MAF: variants seen among roughly 807,000 people sequenced by gnomAD.
The protein encoded by MAF is transcription factor Maf.
Under a neutral mutation model 22.0 loss-of-function variants are expected in MAF, and 10 were observed. That is an observed-to-expected ratio of 0.45 (90% CI 0.28 to 0.77). The LOEUF (loss-of-function observed/expected upper bound fraction) is 0.77. Among genes scored for constraint, MAF ranks in the 30% least tolerant of loss-of-function variants. The probability of loss-of-function intolerance (pLI) is 0.12; values close to 1 mark genes in which losing one functional copy is unlikely to be tolerated. For synonymous variants in MAF, 337 were observed against 255.8 expected (o/e 1.32, Z -3.03); for missense variants, 544 against 548.4 (o/e 0.99, Z 0.08).
the MAF span, among the ~76,000 whole-genome samples, chr16:79,498,574 G>C: frequency 6.6e-6 from 1 of 152,118 alleles, no homozygotes; most frequent in Non-Finnish European, 1.5e-5. Flanking sequence ...CAAGTGTTTG[G>C]TTGTTTACAA....
chr16:79,341,954 C>A, the MAF span, among the ~76,000 whole-genome samples: 1 of 152,328 alleles, frequency 6.6e-6, no homozygotes, highest in Non-Finnish European at 1.5e-5. Context: ...GATCTCTCAA[C>A]CACTGCTACT....
chr16:79,416,153 G>A, the MAF span, among the ~76,000 whole-genome samples: 2 of 152,308 alleles, frequency 1.3e-5, no homozygotes, highest in Admixed American at 1.3e-4. Flanking sequence ...CAGGATGGAA[G>A]TGGGGCGATT....
chr16:79,578,245 T>C, the MAF span, among the ~76,000 whole-genome samples: 1 of 152,200 alleles, frequency 6.6e-6, no homozygotes, highest in Non-Finnish European at 1.5e-5. Flanking sequence ...ATTTACAGAA[T>C]ACATTGATTT....
the MAF span, among the ~76,000 whole-genome samples, chr16:79,521,080 A>G: frequency 6.6e-6 from 1 of 152,236 alleles, no homozygotes; most frequent in African/African-American, 2.4e-5. Context: ...GGAGAATTCA[A>G]TAAAATAATG....
the MAF span, among the ~76,000 whole-genome samples, chr16:79,323,717 C>T: frequency 1.3e-5 from 2 of 152,152 alleles, no homozygotes; most frequent in African/African-American, 4.8e-5. Flanking sequence ...GAGACTCACT[C>T]CCCTCACACC....
the MAF span, among the ~76,000 whole-genome samples, chr16:79,283,954 T>C: frequency 2.6e-5 from 3 of 115,254 alleles, no homozygotes; most frequent in Non-Finnish European, 5.1e-5. Context: ...ATCTACCCCC[T>C]GCACCTCCTC....
At chr16:79,315,949 CA>C in the MAF span, among the ~76,000 whole-genome samples, 1 of 152,232 alleles carries the variant, frequency 6.6e-6, no homozygotes, top group Admixed American at 6.5e-5. Flanking sequence ...TCAGGGACTA[CA>C]GTCCTCACAA....
the MAF span, among the ~76,000 whole-genome samples, chr16:79,240,763 G>T: frequency 3.3e-5 from 5 of 151,948 alleles, no homozygotes; most frequent in Admixed American, 3.3e-4. Flanking sequence ...ACACCTCCCA[G>T]TAGGGGCCAA....
chr16:79,291,949 C>T, the MAF span, among the ~76,000 whole-genome samples: 1 of 151,194 alleles, frequency 6.6e-6, no homozygotes, highest in Non-Finnish European at 1.5e-5. Context: ...GAGGGTACAA[C>T]AGTAGGGCCT....
the MAF span, among the ~76,000 whole-genome samples, chr16:79,480,902 T>C: frequency 6.6e-6 from 1 of 152,220 alleles, no homozygotes; most frequent in Non-Finnish European, 1.5e-5. Flanking sequence ...AAGCCAGAGA[T>C]GTGGATGAGG....
chr16:79,378,755 T>A, the MAF span, among the ~76,000 whole-genome samples: 642 of 152,306 alleles, frequency 4.2e-3, 4 homozygotes, highest in African/African-American at 0.015. Flanking sequence ...CAAGTGGGTA[T>A]ATGCTAATAA....
At chr16:79,331,206 G>A in the MAF span, among the ~76,000 whole-genome samples, 19 of 152,188 alleles carry the variant, frequency 1.2e-4, no homozygotes, top group Admixed American at 3.9e-4. Context: ...GATGAAAAAT[G>A]TGTCTTAATC....
At chr16:79,298,506 G>T in the MAF span, among the ~76,000 whole-genome samples, 1 of 152,314 alleles carries the variant, frequency 6.6e-6, no homozygotes, top group South Asian at 2.1e-4. Flanking sequence ...CTGGGGAGGG[G>T]AAGAGGAGGG....
At chr16:79,591,892 T>C (rs926741587), downstream of MAF, among the ~76,000 whole-genome samples, 4 of 152,200 alleles carry the variant, frequency 2.6e-5, no homozygotes, top group African/African-American at 9.7e-5. Context: ...TGTTAAGACA[T>C]TAACGATTTC....
At chr16:79,436,771 C>G in the MAF span, among the ~76,000 whole-genome samples, 4 of 152,134 alleles carry the variant, frequency 2.6e-5, no homozygotes, top group African/African-American at 9.7e-5. Flanking sequence ...ACGTGATGCC[C>G]TCTTGGAAAC....
chr16:79,543,304 A>G, the MAF span, among the ~76,000 whole-genome samples: 4 of 152,304 alleles, frequency 2.6e-5, no homozygotes, highest in East Asian at 5.8e-4. Flanking sequence ...TAAGCCAGGG[A>G]GAACTGGGGA....
At chr16:79,416,959 C>T in the MAF span, among the ~76,000 whole-genome samples, 1 of 152,206 alleles carries the variant, frequency 6.6e-6, no homozygotes, top group Non-Finnish European at 1.5e-5. Context: ...CTTATTTGCA[C>T]ACCAGCACAC....
chr16:79,540,730 A>T, the MAF span, among the ~76,000 whole-genome samples: 1 of 152,222 alleles, frequency 6.6e-6, no homozygotes, highest in East Asian at 1.9e-4. Context: ...ACAGGCTGGA[A>T]ATAAACAATT....
chr16:79,360,593 A>G, the MAF span, among the ~76,000 whole-genome samples: 60 of 152,184 alleles, frequency 3.9e-4, no homozygotes, highest in Non-Finnish European at 6.3e-4. Flanking sequence ...TTTTTCTTCA[A>G]CAGCAATTAA....
Sources: allele counts gnomAD v4.1 joint callset (sites outside exome capture counted in the v4.1 genomes callset), GRCh38; gene constraint gnomAD v4.1.1; transcripts MANE v1.5; gene names NCBI Gene and HGNC (gene_info 2026-07-23, HGNC 2026-07-21).